Variants in NAV1 observed in about 807,000 individuals in gnomAD.
NAV1 encodes neuron navigator 1, also known as pore membrane and/or filament interacting like protein 3.
A neutral mutation model predicts 175.2 loss-of-function variants in NAV1; 18 were observed. The observed-to-expected ratio is 0.10, with a 90% CI of 0.07 to 0.15. The LOEUF is 0.15. Among genes scored for constraint, NAV1 ranks in the 10% least tolerant of loss-of-function variants. NAV1 has a pLI of 1.00. For missense variants in NAV1, 1,731 were observed against 2,436.6 expected, an observed-to-expected ratio of 0.71 and a Z score of 6.10; for synonymous variants, 897 against 978.7, an observed-to-expected ratio of 0.92 and a Z score of 1.56.
intron 1 of NAV1, among the ~76,000 whole-genome samples, chr1:201,553,573 T>C (rs886643515): frequency 1.3e-5 from 2 of 152,252 alleles, no homozygotes; most frequent in African/African-American, 4.8e-5. Flanking sequence ...CAGATCGATG[T>C]GTTTTTGACA....
intron 1 of NAV1, among the ~76,000 whole-genome samples, chr1:201,576,454 T>C (rs530828752): frequency 3.9e-5 from 6 of 152,262 alleles, no homozygotes; most frequent in Admixed American, 3.9e-4. Flanking sequence ...AAGAATAAGC[T>C]GATAAGCTGG....
At chr1:201,603,925 G>C (rs1458337476) in intron 2 of NAV1, among the ~76,000 whole-genome samples, 5 of 152,140 alleles carry the variant, frequency 3.3e-5, no homozygotes, top group Non-Finnish European at 7.3e-5. Flanking sequence ...AAAAACAAAT[G>C]GTTGGTCACA....
In NAV1 at chr1:201,715,693, T is replaced by A. The variant is rs567328760; in HGVS notation, c.861-2697T>A. On this transcript the variant is annotated intron_variant, in intron 2 of 29. Transcript: ENST00000367296. The stretch of plus-strand genomic sequence containing the variant: ...CTGGCTCCCCAGAACACACACAAGC[T>A]TCATCCTCGGAGCTTATGGTCCAGT... 5.3e-5 allele frequency among the ~76,000 whole-genome samples: 8 copies of A among 152,322 alleles called. 1 individual carries two copies. The highest frequency in any genetic ancestry group is 1.9e-4 in the African/African-American group (8 of 41,568).
Position 201,813,744 on chromosome 1 carries a change from T to G in NAV1, c.5340+486T>G, listed in dbSNP as rs1012051754. The stretch of plus-strand genomic sequence containing the variant: ...AGTCTTTTGAAGACAAAATGAAATA[T>G]GTGAAAAGATTTTTAAAAGTTAGAA... On this transcript the variant is annotated intron_variant, in intron 28 of 29. Coordinates refer to ENST00000367296, the Ensembl canonical transcript of NAV1. The surrounding 1 kb of genome is among the most constrained non-coding windows in gnomAD (Gnocchi z 4.2). Among the ~76,000 whole-genome samples the G allele has an allele frequency of 2.6e-4, 39 of 151,646 alleles. 1 individual carries two copies. Among genetic ancestry groups the G allele is most frequent in the African/African-American group, 9.0e-4 (37 of 41,336 alleles).
chr1:201,597,435 G>GTCA (rs1236393527), intron 2 of NAV1, among the ~76,000 whole-genome samples: 1 of 152,200 alleles, frequency 6.6e-6, no homozygotes, highest in Non-Finnish European at 1.5e-5. Context: ...TGTCTTCCTG[G>GTCA]GGGCTTCCTG....
rs73086517 is a variant in NAV1, at chr1:201,664,095, G to A, written c.757+14670G>A. ...CGGAGTATAGTGGCCAAATGCACAA[G>A]CTATGGGGTCAGAGAGACCCGAATT... On this transcript the variant is annotated intron_variant, in intron 1 of 29. Transcript: ENST00000367296. Among the ~76,000 whole-genome samples, 526 of 152,278 alleles carry A rather than the reference G, an allele frequency of 3.5e-3. 4 individuals carry two copies. The highest frequency in any genetic ancestry group is 0.012 in the African/African-American group (508 of 41,568).
chr1:201,799,783 C>T (rs996399866), intron 15 of NAV1, among the ~76,000 whole-genome samples: 7 of 151,286 alleles, frequency 4.6e-5, no homozygotes, highest in African/African-American at 1.5e-4. Flanking sequence ...TTGCTTGAAC[C>T]TGGGAGGCAG....
intron 2 of NAV1, among the ~76,000 whole-genome samples, chr1:201,599,695 G>A (rs1219030188): frequency 2.0e-5 from 3 of 152,154 alleles, no homozygotes; most frequent in Admixed American, 6.5e-5. Flanking sequence ...AGGCTTCCGA[G>A]CGCCTGCTCT....
Position 201,812,229 on chromosome 1 carries a change from C to T in NAV1, c.5025-236C>T, listed in dbSNP as rs930607262. Among the ~76,000 whole-genome samples the T allele has an allele frequency of 7.9e-5, 12 of 152,206 alleles. No homozygotes were observed. Among genetic ancestry groups the T allele is most frequent in the African/African-American group, 7.2e-5 (3 of 41,440 alleles). ...AGAATTAGGATTCTCTGCCCGCACA[C>T]GCTGATCTGGGTCAGTGATGTCAGA... On this transcript the variant is annotated intron_variant, in intron 26 of 29. Coordinates refer to ENST00000367296, the Ensembl canonical transcript of NAV1. This position sits in a 1 kb window ranked among gnomAD's most constrained non-coding sequence, Gnocchi z 4.6.
chr1:201,789,922 G>T (rs1030761458), intron 11 of NAV1, 130 bp downstream of exon 15: 12 of 845,406 alleles, frequency 1.4e-5, no homozygotes, highest in African/African-American at 1.2e-4. Context: ...GTACCCATTG[G>T]GGTGGGAATG....
intron 3 of NAV1, among the ~76,000 whole-genome samples, chr1:201,766,216 G>GC (rs1484145676): frequency 2.0e-5 from 3 of 152,108 alleles, no homozygotes; most frequent in African/African-American, 7.2e-5. Flanking sequence ...CTTCTTCTCT[G>GC]CCCCACCCTC....
intron 2 of NAV1, among the ~76,000 whole-genome samples, chr1:201,634,596 T>C (rs555547763): frequency 1.3e-5 from 2 of 152,260 alleles, no homozygotes; most frequent in African/African-American, 2.4e-5. Flanking sequence ...GGGTTTGAAA[T>C]AGAAACTGTA....
At chr1:201,588,754 T>G (rs112456367) in intron 2 of NAV1, among the ~76,000 whole-genome samples, 105 bp downstream of exon 2, 7,583 of 152,224 alleles carry the variant, frequency 0.05, 216 homozygotes, top group Middle Eastern at 0.071. Context: ...GGGTTTCTTT[T>G]GTTGATGGTG....
At chr1:201,819,791 C>G in intron 29 of NAV1, 46 bp from the exon 34 acceptor site, 2 of 1,535,706 alleles carry the variant, frequency 1.3e-6, no homozygotes, top group Non-Finnish European at 1.8e-6. Flanking sequence ...GTGGGCAGGA[C>G]CCAGAGTCCC....
At chr1:201,816,011 T>G (rs574547463) in intron 28 of NAV1, among the ~76,000 whole-genome samples, 12 of 152,116 alleles carry the variant, frequency 7.9e-5, no homozygotes, top group Admixed American at 2.6e-4. Flanking sequence ...GTGCTGGGAT[T>G]ATAGGTGTGA....
Position 201,611,712 on chromosome 1 carries a change from G to A in NAV1, c.-32-11141G>A, listed in dbSNP as rs576752510. ...ATTGGAAGTTGTGTGCCCAAGGTACGGGTGTTGGGGCTCATTTTTCCAGGG... is the reference window on the plus strand; with the variant it reads ...ATTGGAAGTTGTGTGCCCAAGGTACAGGTGTTGGGGCTCATTTTTCCAGGG... On this transcript the variant is annotated intron_variant, in intron 2 of 33. Coordinates refer to the NAV1 transcript ENST00000685211. Among the ~76,000 whole-genome samples the A allele has an allele frequency of 2.4e-4, 36 of 152,334 alleles. 2 individuals carry two copies. In the South Asian group the frequency reaches 6.6e-3, roughly 28 times the overall value.
At chr1:201,742,288 C>T (rs1673473511) in intron 3 of NAV1, among the ~76,000 whole-genome samples, 1 of 152,156 alleles carries the variant, frequency 6.6e-6, no homozygotes. Context: ...CCCTTAAACT[C>T]CAAAGGAGGC....
chr1:201,739,994 C>A, intron 3 of NAV1: 6 of 1,454,538 alleles, frequency 4.1e-6, no homozygotes, highest in Non-Finnish European at 5.4e-6. Context: ...TGGGTGCCCA[C>A]CCGGTGAATG....
Position 201,808,123 on chromosome 1 carries a change from G to A in NAV1, c.3819G>A (p.Ser1273=), listed in dbSNP as rs779513029. The change falls in exon 18 of 30, where the codon TCG becomes TCA. Residue 1273 remains serine (S), a synonymous_variant. Coordinates refer to ENST00000367296, the Ensembl canonical transcript of NAV1. This position sits in a 1 kb window ranked among gnomAD's most constrained non-coding sequence, Gnocchi z 5.5. ...CACCCTCCATCAAGTCCTCCACCTC[G>A]TCCTCCGTGGGCACTGATGTCACCG... 9.3e-6 allele frequency: 15 copies of A among 1,613,984 alleles called. No homozygotes were observed. In the East Asian group the frequency reaches 1.8e-4, roughly 19 times the overall value.
Sources: gnomAD v4.1 joint callset for allele counts (sites outside exome capture counted in the v4.1 genomes callset) on GRCh38, gnomAD v4.1.1 for gene constraint, Gnocchi (gnomAD v3.1) non-coding constraint, MANE v1.5 for transcripts, NCBI Gene and HGNC (gene_info 2026-07-23, HGNC 2026-07-21) for gene names.